The following TGFBI variants were observed in gnomAD, a reference collection of about 807,000 sequenced individuals.
TGFBI encodes transforming growth factor beta induced.
TGFBI carries 50 observed loss-of-function variants against 73.7 expected under a neutral mutation model. The ratio of observed to expected loss-of-function variants is 0.68; its 90% CI spans 0.54 to 0.86. The LOEUF is 0.86. TGFBI is among the 40% of genes least tolerant of loss of function. The pLI is 0.00. For synonymous variants in TGFBI, 362 were observed against 360.5 expected, an observed-to-expected ratio of 1.00 and a Z score of -0.05; for missense variants, 839 against 877.0, an observed-to-expected ratio of 0.96 and a Z score of 0.55.
At position 136,044,057 on chromosome 5, in the gene TGFBI, G is replaced by T; in HGVS notation, c.234-1G>T. On this transcript the variant is annotated splice_acceptor_variant, in intron 2 of 16. Coordinates refer to ENST00000442011, the MANE Select transcript of TGFBI (RefSeq NM_000358.3). LOFTEE classifies it high-confidence loss of function. ...CACAATGTATGGTTGTCTTGTTACA[G>T]AGTCATCAGCTACGAGTGCTGTCCT... is the stretch of plus-strand genomic sequence containing the variant. The T allele has an allele frequency of 6.2e-7, 1 of 1,613,192 alleles. No individual in the cohort carries two copies. The highest frequency in any genetic ancestry group is 2.2e-5 in the East Asian group (1 of 44,846).
rs769907715 is a variant in TGFBI at position 136,060,841 on chromosome 5, A to G, written c.1811A>G (p.Asn604Ser). ...GDKLEVSLKN[N>S]VVSVNKEPVA... ...ACTCTGTTTTTCTTTTAGAAAAACAATGTGGTGAGTGTCAACAAGGAGCCT... is the reference window on the plus strand; with the variant it reads ...ACTCTGTTTTTCTTTTAGAAAAACAGTGTGGTGAGTGTCAACAAGGAGCCT... Residue 604 changes from asparagine (N) to serine (S), a missense_variant, in exon 14 of 17, where the codon AAT (asparagine) becomes AGT (serine). Coordinates refer to ENST00000442011, the MANE Select transcript of TGFBI (RefSeq NM_000358.3). The G allele has an allele frequency of 1.9e-6, 3 of 1,598,264 alleles. No homozygotes were observed. The highest frequency in any genetic ancestry group is 2.7e-5 in the African/African-American group (2 of 74,912).
intron 2 of TGFBI, among the ~76,000 whole-genome samples, chr5:136,043,056 T>G (rs1340221868): frequency 6.6e-6 from 1 of 152,228 alleles, no homozygotes; most frequent in African/African-American, 2.4e-5. Flanking sequence ...AGTCCTTTCC[T>G]GTCTCAAAGG....
intron 12 of TGFBI, among the ~76,000 whole-genome samples, chr5:136,057,993 G>A (rs1010087505): frequency 2.0e-5 from 3 of 152,210 alleles, no homozygotes; most frequent in African/African-American, 2.4e-5. Flanking sequence ...GATGGGAAAA[G>A]CTTCCCAAAC....
At chr5:136,061,067 T>A in intron 14 of TGFBI, 131 bp downstream of exon 14, 1 of 691,364 alleles carries the variant, frequency 1.4e-6, no homozygotes, top group Non-Finnish European at 2.4e-6. Flanking sequence ...TGTGCCTATG[T>A]GACTGATTGC....
chr5:136,061,399 T>A, intron 14 of TGFBI, 101 bp from the exon 15 acceptor site: 1 of 827,010 alleles, frequency 1.2e-6, no homozygotes, highest in Admixed American at 2.0e-5. Flanking sequence ...TCTTTGGAAA[T>A]GTGAGCCAGA....
intron 7 of TGFBI, 131 bp from the exon 8 acceptor site, chr5:136,052,776 T>C (rs1751557907): frequency 1.1e-6 from 1 of 874,138 alleles, no homozygotes; most frequent in South Asian, 1.9e-5. Flanking sequence ...CTGGGCCCTG[T>C]GGTGCCCCAG....
chr5:136,031,628 T>TAGGG (rs1751122737), intron 1 of TGFBI, among the ~76,000 whole-genome samples: 2 of 152,168 alleles, frequency 1.3e-5, no homozygotes, highest in African/African-American at 4.8e-5. Flanking sequence ...TGTGTTGCTA[T>TAGGG]AGGGAAGGGG....
rs142518954 is a variant in TGFBI at position 136,045,217 on chromosome 5, C to T, written c.298+1095C>T. On this transcript the variant is annotated intron_variant, in intron 3 of 16. Coordinates refer to ENST00000442011, the MANE Select transcript of TGFBI (RefSeq NM_000358.3). Reference sequence around the variant, plus strand: ...AGCCAAGAATTCGAGACCAGCAGCCCGTGCAACATAGTGAGACCTTGTCTC... The same window carrying T: ...AGCCAAGAATTCGAGACCAGCAGCCTGTGCAACATAGTGAGACCTTGTCTC... 1.1e-3 allele frequency among the ~76,000 whole-genome samples: 161 copies of T among 152,096 alleles called. 1 individual carries two copies. The highest frequency in any genetic ancestry group is 3.7e-3 in the African/African-American group (153 of 41,480).
At chr5:136,053,569 G>C (rs1001979936) in intron 8 of TGFBI, among the ~76,000 whole-genome samples, 1 of 152,256 alleles carries the variant, frequency 6.6e-6, no homozygotes, top group African/African-American at 2.4e-5. Flanking sequence ...ATGAGTGAAG[G>C]AATCTCACAG....
chr5:136,029,129 C>T lies in TGFBI; in HGVS notation c.74C>T (p.Pro25Leu). ...ALGPAATLAG[P>L]AKSPYQLVLQ... ...GGCCCCGCCGCGACCCTGGCGGGTCCCGCCAAGTCGCCCTACCAGCTGGTG... is the reference window on the plus strand; with the variant it reads ...GGCCCCGCCGCGACCCTGGCGGGTCTCGCCAAGTCGCCCTACCAGCTGGTG... Residue 25 changes from proline to leucine, a missense_variant, in exon 1 of 17, where the codon CCC (proline) becomes CTC (leucine). Transcript: ENST00000442011. 1 of 1,525,478 alleles carries T rather than the reference C, an allele frequency of 6.6e-7. No homozygotes were observed. Among genetic ancestry groups the T allele is most frequent in the Non-Finnish European group, 8.7e-7 (1 of 1,143,240 alleles). The allele number at this position is 1,525,478 out of a possible 1,614,324, so 94.5% of individuals were successfully genotyped here. A position where few individuals can be genotyped will look rare whatever the true frequency, so the allele number is the denominator to read the frequency against.
At chr5:136,054,690 G>C (rs1487760561) in intron 9 of TGFBI, 26 bp from the exon 10 acceptor site, 2 of 1,613,768 alleles carry the variant, frequency 1.2e-6, no homozygotes, top group East Asian at 4.5e-5. Context: ...CATCTCTCTG[G>C]ACCTAACCAT....
At chr5:136,033,700 G>C (rs181344324) in intron 1 of TGFBI, 63 bp from the exon 2 acceptor site, 2 of 1,392,428 alleles carry the variant, frequency 1.4e-6, no homozygotes, top group Non-Finnish European at 1.0e-6. Flanking sequence ...AAACACGATG[G>C]GAGTCATTAA....
chr5:136,038,492 G>A (rs6892664), intron 2 of TGFBI, among the ~76,000 whole-genome samples: 48 of 151,922 alleles, frequency 3.2e-4, no homozygotes, highest in African/African-American at 8.9e-4. Flanking sequence ...TGAGGCGAGC[G>A]GGTCACGAGG....
chr5:136,039,548 C>T (rs1340769027), intron 2 of TGFBI, among the ~76,000 whole-genome samples: 3 of 152,338 alleles, frequency 2.0e-5, no homozygotes, highest in Admixed American at 6.5e-5. Flanking sequence ...GGTCATCAAC[C>T]TTCTCCAGGT....
chr5:136,057,745 G>A (rs749312737), intron 12 of TGFBI, among the ~76,000 whole-genome samples: 17 of 152,192 alleles, frequency 1.1e-4, no homozygotes, highest in Non-Finnish European at 2.4e-4. Context: ...GAGCAGAATA[G>A]AAAGTTCAGG....
intron 2 of TGFBI, among the ~76,000 whole-genome samples, chr5:136,040,010 T>A (rs1308310939): frequency 3.3e-5 from 5 of 152,248 alleles, no homozygotes; most frequent in African/African-American, 1.2e-4. Context: ...TACAGGGCCA[T>A]TCCTTGTTCC....
At chr5:136,059,345 T>A in intron 13 of TGFBI, 131 bp downstream of exon 13, 5 of 1,344,582 alleles carry the variant, frequency 3.7e-6, no homozygotes, top group Middle Eastern at 2.7e-4. Flanking sequence ...GTGTAATTCG[T>A]CCAAAGAAAA....
intron 2 of TGFBI, among the ~76,000 whole-genome samples, chr5:136,040,219 T>C (rs1458309200): frequency 6.6e-6 from 1 of 152,228 alleles, no homozygotes; most frequent in Non-Finnish European, 1.5e-5. Context: ...CAGACATCCC[T>C]ACACATAGAC....
At position 136,053,186 on chromosome 5, in the gene TGFBI, G is replaced by A. The variant is rs45466391; in HGVS notation, c.1126+67G>A. The A allele has an allele frequency of 4.2e-5, 63 of 1,482,538 alleles. 1 individual carries two copies. The highest frequency in any genetic ancestry group is 2.2e-4 in the Middle Eastern group (1 of 4,446). 91.8% of individuals were successfully genotyped at this position (1,482,538 alleles called of 1,614,324 possible). On this transcript the variant is annotated intron_variant, in intron 8 of 16. Coordinates refer to ENST00000442011, the MANE Select transcript of TGFBI (RefSeq NM_000358.3). ...CATCTCTTCTGCCATCCTTTGTGGC[G>A]GGGGAGGGGAAATTCAGAGATCTTT...
Sources: gnomAD v4.1 joint callset for allele counts (sites outside exome capture counted in the v4.1 genomes callset) on GRCh38, gnomAD v4.1.1 for gene constraint, MANE v1.5 for transcripts, NCBI Gene and HGNC (gene_info 2026-07-23, HGNC 2026-07-21) for gene names.